DSCAM: variants seen among roughly 807,000 people sequenced by gnomAD.
The protein encoded by DSCAM is cell adhesion molecule DSCAM.
Under a neutral mutation model 217.7 loss-of-function variants are expected in DSCAM, and 47 were observed. That is an observed-to-expected ratio of 0.22 (90% CI 0.17 to 0.28). The LOEUF is 0.28. Among genes scored for constraint, DSCAM ranks in the 10% least tolerant of loss-of-function variants. DSCAM has a pLI of 1.00. For synonymous variants in DSCAM, 1,056 were observed against 1,015.3 expected, an observed-to-expected ratio of 1.04 and a Z score of -0.76; for missense variants, 2,080 against 2,618.3, an observed-to-expected ratio of 0.79 and a Z score of 4.49.
intron 3 of DSCAM, among the ~76,000 whole-genome samples, chr21:40,409,662 G>A (rs1349813885): frequency 6.6e-6 from 1 of 152,242 alleles, no homozygotes; most frequent in Non-Finnish European, 1.5e-5. Flanking sequence ...GGTGGGAATA[G>A]TTTGTATCCC....
At chr21:40,437,577 G>C (rs529272132) in intron 3 of DSCAM, among the ~76,000 whole-genome samples, 8 of 152,258 alleles carry the variant, frequency 5.3e-5, no homozygotes, top group Non-Finnish European at 8.8e-5. Context: ...CCAGCCAGGG[G>C]TGGTGGCTCA....
At chr21:40,160,720 T>C (rs939200100) in intron 16 of DSCAM, among the ~76,000 whole-genome samples, 5 of 152,332 alleles carry the variant, frequency 3.3e-5, no homozygotes, top group East Asian at 3.9e-4. Context: ...GATAATATGC[T>C]CTTTAAATCA....
intron 3 of DSCAM, among the ~76,000 whole-genome samples, chr21:40,588,430 G>A (rs77076611): frequency 4.7e-4 from 71 of 152,240 alleles, no homozygotes; most frequent in Non-Finnish European, 1.9e-4. Flanking sequence ...CTTAAATACC[G>A]AGCAGGATGG....
In DSCAM at chr21:40,280,444, C is replaced by T. The variant is rs571879862; in HGVS notation, c.2183-4174G>A. On this transcript the variant is annotated intron_variant, in intron 10 of 32. Coordinates refer to ENST00000400454, the MANE Select transcript of DSCAM (RefSeq NM_001389.5). The stretch of plus-strand genomic sequence containing the variant: ...CCACAATTGATCCTTCCACCTTAGC[C>T]TCCCAAAGTGTTGGGAAAATAGGCA... Among the ~76,000 whole-genome samples, 12 of 152,218 alleles carry T rather than the reference C, an allele frequency of 7.9e-5. 1 individual carries two copies. In the South Asian group the frequency reaches 2.1e-3, roughly 26 times the overall value.
At chr21:40,654,827 T>C (rs1224217000) in intron 3 of DSCAM, among the ~76,000 whole-genome samples, 2 of 152,160 alleles carry the variant, frequency 1.3e-5, no homozygotes, top group Non-Finnish European at 2.9e-5. Context: ...CTTAATCACA[T>C]CTGCAAAATC....
intron 1 of DSCAM, among the ~76,000 whole-genome samples, chr21:40,724,198 G>C (rs571619487): frequency 6.6e-6 from 1 of 152,154 alleles, no homozygotes; most frequent in Non-Finnish European, 1.5e-5. Flanking sequence ...AAGCTCAAAG[G>C]TTTCAAAAGG....
chr21:40,770,362 T>C (rs1160460536), intron 1 of DSCAM, among the ~76,000 whole-genome samples: 1 of 152,216 alleles, frequency 6.6e-6, no homozygotes, highest in Non-Finnish European at 1.5e-5. Context: ...AGTATTAAAG[T>C]AGTGCCGTGA....
chr21:40,206,850 G>A lies in DSCAM; in HGVS notation c.2357-17612C>T, dbSNP rs147771723. On this transcript the variant is annotated intron_variant, in intron 11 of 32. Transcript: ENST00000400454. ...CCCTTGGGCCCAACAGGTCAAGGCT[G>A]CAGTGAACTCTGTTCATGCCACTGC... Among the ~76,000 whole-genome samples, 604 of 152,324 alleles carry A rather than the reference G, an allele frequency of 4.0e-3. 2 individuals carry two copies. The highest frequency in any genetic ancestry group is 0.013 in the African/African-American group (554 of 41,576).
intron 3 of DSCAM, among the ~76,000 whole-genome samples, chr21:40,538,902 C>G (rs952151168): frequency 1.1e-4 from 16 of 152,168 alleles, no homozygotes; most frequent in Admixed American, 1.0e-3. Flanking sequence ...TTCCGTCTTT[C>G]CTTCATGAGG....
At chr21:40,085,270 C>T (rs564105291) in intron 23 of DSCAM, among the ~76,000 whole-genome samples, 1 of 152,104 alleles carries the variant, frequency 6.6e-6, no homozygotes, top group South Asian at 2.1e-4. Flanking sequence ...TTCTGGGATA[C>T]ACTTACATAT....
At chr21:40,344,101 G>A (rs2074531611) in intron 6 of DSCAM, among the ~76,000 whole-genome samples, 1 of 152,016 alleles carries the variant, frequency 6.6e-6, no homozygotes, top group Admixed American at 6.6e-5. Flanking sequence ...ATTTTGCCAT[G>A]TTGGCCAGGC....
Position 40,101,457 on chromosome 21 carries a change from T to G in DSCAM, c.3697-7583A>C, listed in dbSNP as rs368905147. Among the ~76,000 whole-genome samples, 189 of 58,232 alleles carry G rather than the reference T, an allele frequency of 3.2e-3. 2 individuals are homozygous for G. In the African/African-American group the frequency reaches 0.038, roughly 12 times the overall value. The allele number at this position is 58,232 out of a possible 152,430, so 38.2% of individuals were successfully genotyped here. On this transcript the variant is annotated intron_variant, in intron 20 of 32. Transcript: ENST00000400454. Reference sequence around the variant, plus strand: ...CAGGGACAGATTTCGTGGAAGACAGTTTTTTTTTTCACAGATGGATGGACG... The same window carrying G: ...CAGGGACAGATTTCGTGGAAGACAGGTTTTTTTTTCACAGATGGATGGACG...
chr21:40,071,214 T>C (rs1056962330), intron 27 of DSCAM, among the ~76,000 whole-genome samples: 10 of 152,106 alleles, frequency 6.6e-5, no homozygotes, highest in African/African-American at 2.4e-4. Flanking sequence ...ATCTAGAAGT[T>C]CAAGAAAAAC....
At chr21:40,515,393 T>C (rs1280346194) in intron 3 of DSCAM, among the ~76,000 whole-genome samples, 2 of 152,172 alleles carry the variant, frequency 1.3e-5, no homozygotes, top group African/African-American at 4.8e-5. Flanking sequence ...TTTCCCTTTC[T>C]CTCATTCTAA....
At chr21:40,233,323 T>C (rs1424637729) in intron 11 of DSCAM, among the ~76,000 whole-genome samples, 1 of 152,200 alleles carries the variant, frequency 6.6e-6, no homozygotes. Flanking sequence ...AGTAATATTT[T>C]AAATATATTT....
chr21:40,421,215 C>T (rs140656911), intron 3 of DSCAM, among the ~76,000 whole-genome samples: 2 of 152,320 alleles, frequency 1.3e-5, no homozygotes, highest in East Asian at 3.9e-4. Flanking sequence ...TCAGGCCCAT[C>T]ACTGCATCCT....
At position 40,012,911 on chromosome 21, in the gene DSCAM, T is replaced by C. The variant is rs2088083684; in HGVS notation, c.*123A>G. 1 of 742,752 alleles carries C rather than the reference T, an allele frequency of 1.3e-6. No homozygotes were observed. The highest frequency in any genetic ancestry group is 1.8e-5 in the African/African-American group (1 of 54,478). 46.0% of individuals were successfully genotyped at this position (742,752 alleles called of 1,614,324 possible). On this transcript the variant is annotated 3_prime_UTR_variant, in exon 33 of 33. Transcript: ENST00000400454. ...TCTGTGGTTTCAGTATTTTCTCTTT[T>C]TTTTTTTTAATATATTTTGGCAATT...
chr21:40,455,441 G>A (rs887714084), intron 3 of DSCAM, among the ~76,000 whole-genome samples: 2 of 152,210 alleles, frequency 1.3e-5, no homozygotes, highest in East Asian at 3.9e-4. Context: ...AAAGAAACTA[G>A]ACACTGTCCA....
At chr21:40,252,769 A>T (rs2073322031) in intron 11 of DSCAM, among the ~76,000 whole-genome samples, 1 of 152,190 alleles carries the variant, frequency 6.6e-6, no homozygotes, top group Non-Finnish European at 1.5e-5. Context: ...TGGGAACCAG[A>T]TTCCCATTAA....
Sources: allele counts gnomAD v4.1 joint callset (sites outside exome capture counted in the v4.1 genomes callset), GRCh38; gene constraint gnomAD v4.1.1; transcripts MANE v1.5; gene names NCBI Gene and HGNC (gene_info 2026-07-23, HGNC 2026-07-21).